GRM7: variants seen among roughly 807,000 people sequenced by gnomAD.
GRM7 encodes glutamate metabotropic receptor 7.
GRM7 carries 35 observed loss-of-function variants against 84.5 expected under a neutral mutation model. The observed-to-expected ratio is 0.41, with a 90% confidence interval of 0.32 to 0.55. The LOEUF is 0.55. GRM7 is among the 20% of genes least tolerant of loss of function. GRM7 has a pLI of 0.19. For missense variants in GRM7, 1,003 were observed against 1,194.6 expected, an observed-to-expected ratio of 0.84 and a Z score of 2.36; for synonymous variants, 487 against 455.1, an observed-to-expected ratio of 1.07 and a Z score of -0.89.
intron 7 of GRM7, among the ~76,000 whole-genome samples, chr3:7,536,331 A>G (rs999673470): frequency 1.3e-5 from 2 of 152,202 alleles, no homozygotes; most frequent in African/African-American, 2.4e-5. Flanking sequence ...CAGGATCTAC[A>G]TGAAGGGCTT....
chr3:7,429,685 T>C (rs1052884663), intron 5 of GRM7, among the ~76,000 whole-genome samples: 1 of 152,122 alleles, frequency 6.6e-6, no homozygotes, highest in Non-Finnish European at 1.5e-5. Context: ...TGCCGAAAAG[T>C]CACTTGGCTA....
At chr3:7,701,059 A>C (rs1701207683) in intron 9 of GRM7, among the ~76,000 whole-genome samples, 1 of 152,302 alleles carries the variant, frequency 6.6e-6, no homozygotes, top group African/African-American at 2.4e-5. Flanking sequence ...CAGATGCATG[A>C]AATTGTTTAG....
At position 7,018,958 on chromosome 3, in the gene GRM7, G is replaced by A. The variant is rs138135271; in HGVS notation, c.520-127494G>A. On this transcript the variant is annotated intron_variant, in intron 1 of 9. Transcript: ENST00000357716. ...CTAAAAATACAAAAATTAGCCAGGC[G>A]TCATGGCGCATGCCTGTAATCCCAG... Among the ~76,000 whole-genome samples, 52 of 152,220 alleles carry A rather than the reference G, an allele frequency of 3.4e-4. No individual in the cohort carries two copies. In the East Asian group the frequency reaches 8.3e-3, roughly 24 times the overall value.
intron 2 of GRM7, among the ~76,000 whole-genome samples, chr3:7,235,796 G>A (rs946836220): frequency 2.0e-5 from 3 of 152,204 alleles, no homozygotes; most frequent in African/African-American, 7.2e-5. Context: ...CCAGAATTAA[G>A]TCTATTTTTC....
intron 1 of GRM7, among the ~76,000 whole-genome samples, chr3:6,891,690 C>T (rs1239448084): frequency 1.1e-4 from 17 of 152,098 alleles, no homozygotes; most frequent in African/African-American, 3.4e-4. Flanking sequence ...TCAACTTTGG[C>T]AAATCTGACA....
chr3:6,950,117 G>T (rs1055529884), intron 1 of GRM7, among the ~76,000 whole-genome samples: 1 of 152,172 alleles, frequency 6.6e-6, no homozygotes, highest in African/African-American at 2.4e-5. Context: ...TTCCTTTGGA[G>T]GAGGAGAGGC....
At chr3:7,726,534 A>T (rs1702133132) in intron 9 of GRM7, among the ~76,000 whole-genome samples, 1 of 147,522 alleles carries the variant, frequency 6.8e-6, no homozygotes, top group Non-Finnish European at 1.5e-5. Flanking sequence ...TTACGAATAC[A>T]TTGAAATGAG....
At chr3:7,738,156 A>G (rs145914979) in intron 9 of GRM7, among the ~76,000 whole-genome samples, 45 of 152,140 alleles carry the variant, frequency 3.0e-4, no homozygotes, top group African/African-American at 1.0e-3. Context: ...GCCTCTCCCA[A>G]TTTTACAAAG....
At chr3:7,341,370 C>A (rs1399304027) in intron 4 of GRM7, among the ~76,000 whole-genome samples, 1 of 132,912 alleles carries the variant, frequency 7.5e-6, no homozygotes, top group East Asian at 2.1e-4. Flanking sequence ...AAATTCAACT[C>A]ATGTTTTTTT....
In GRM7 at chr3:7,348,826, G is replaced by A. The variant is rs139834969; in HGVS notation, c.1033+42174G>A. Among the ~76,000 whole-genome samples, 681 of 152,240 alleles carry A rather than the reference G, an allele frequency of 4.5e-3. 9 individuals carry two copies. The highest frequency in any genetic ancestry group is 0.014 in the African/African-American group (581 of 41,554). On this transcript the variant is annotated intron_variant, in intron 4 of 9. Coordinates refer to ENST00000357716, the MANE Select transcript of GRM7 (RefSeq NM_000844.4). ...CCAAGTGATCCGGATGCACACTAAAGTTTAAGAGTTGCTATGCTGTGGCCT... is the reference window on the plus strand; with the variant it reads ...CCAAGTGATCCGGATGCACACTAAAATTTAAGAGTTGCTATGCTGTGGCCT...
chr3:7,023,549 C>T (rs1405642946), intron 1 of GRM7, among the ~76,000 whole-genome samples: 2 of 152,124 alleles, frequency 1.3e-5, no homozygotes, highest in South Asian at 2.1e-4. Context: ...CACACACTGG[C>T]AGGTTACAAC....
At chr3:7,409,097 C>T (rs1342862639) in intron 4 of GRM7, among the ~76,000 whole-genome samples, 1 of 152,140 alleles carries the variant, frequency 6.6e-6, no homozygotes, top group East Asian at 1.9e-4. Context: ...GCCAAGACTA[C>T]TGTTTTTCAA....
At chr3:7,127,284 C>G (rs545331772) in intron 1 of GRM7, among the ~76,000 whole-genome samples, 8 of 152,166 alleles carry the variant, frequency 5.3e-5, no homozygotes, top group African/African-American at 1.9e-4. Flanking sequence ...TCTTTGATTT[C>G]TAACATCTTC....
At chr3:7,140,622 C>T (rs1259568658) in intron 1 of GRM7, among the ~76,000 whole-genome samples, 1 of 151,944 alleles carries the variant, frequency 6.6e-6, no homozygotes, top group Non-Finnish European at 1.5e-5. Context: ...CAGCTCTTAG[C>T]ATGATGTTTC....
chr3:7,384,403 A>C (rs1575254830), intron 4 of GRM7, among the ~76,000 whole-genome samples: 1 of 152,188 alleles, frequency 6.6e-6, no homozygotes, highest in East Asian at 1.9e-4. Context: ...ATCCACCAAC[A>C]TTTGGAATCT....
intron 8 of GRM7, among the ~76,000 whole-genome samples, chr3:7,604,886 A>G (rs1696488517): frequency 6.6e-6 from 1 of 152,212 alleles, no homozygotes; most frequent in Admixed American, 6.5e-5. Context: ...ACAGCCTACC[A>G]AATTGTTTTA....
intron 4 of GRM7, among the ~76,000 whole-genome samples, chr3:7,333,436 G>A (rs575064622): frequency 2.6e-5 from 4 of 152,322 alleles, no homozygotes; most frequent in African/African-American, 9.6e-5. Context: ...AGGGGAAGGA[G>A]GAAAGCACCA....
chr3:7,351,953 A>G (rs1693166644), intron 4 of GRM7, among the ~76,000 whole-genome samples: 1 of 151,718 alleles, frequency 6.6e-6, no homozygotes, highest in Non-Finnish European at 1.5e-5. Flanking sequence ...TGAATGGCCT[A>G]TCATGGGACT....
chr3:7,194,752 T>C (rs1695824915), intron 2 of GRM7, among the ~76,000 whole-genome samples: 1 of 152,210 alleles, frequency 6.6e-6, no homozygotes, highest in South Asian at 2.1e-4. Flanking sequence ...TGTTAGTACC[T>C]GTCTTACAGC....
Sources: gnomAD v4.1 joint callset for allele counts (sites outside exome capture counted in the v4.1 genomes callset) on GRCh38, gnomAD v4.1.1 for gene constraint, MANE v1.5 for transcripts, NCBI Gene and HGNC (gene_info 2026-07-23, HGNC 2026-07-21) for gene names.